The following ZNF431 variants were observed in gnomAD, a reference collection of about 807,000 sequenced individuals.
ZNF431 encodes the protein zinc finger protein 431.
Under a neutral mutation model 57.0 loss-of-function variants are expected in ZNF431, and 34 were observed. The observed-to-expected ratio is 0.60, with a 90% confidence interval of 0.45 to 0.79. The LOEUF (loss-of-function observed/expected upper bound fraction) is 0.79. Among genes scored for constraint, ZNF431 ranks in the 30% least tolerant of loss-of-function variants. The pLI is 0.00. For missense variants in ZNF431, 607 were observed against 667.1 expected (o/e 0.91, Z 0.99); for synonymous variants, 207 against 220.3 (o/e 0.94, Z 0.54).
At chr19:21,155,884 C>G (rs1395082347) in intron 2 of ZNF431, among the ~76,000 whole-genome samples, 1 of 152,190 alleles carries the variant, frequency 6.6e-6, no homozygotes, top group East Asian at 1.9e-4. Flanking sequence ...AGGCTCTTCT[C>G]TCCTGCACAC....
chr19:21,182,793 C>G lies in ZNF431; in HGVS notation c.490C>G (p.Leu164Val). The part of the protein sequence containing the change: ...YKVHKEGYNE[L>V]NQCLTTTQSK... ...GGTGCACAAAGAAGGTTATAATGAG[C>G]TAAACCAGTGTTTGACAACTACCCA... Residue 164 changes from leucine to valine, a missense_variant, in exon 5 of 5, where the codon CTA (leucine) becomes GTA (valine). By Grantham distance (32) the Leu-to-Val change is conservative (BLOSUM62 1). Transcript: ENST00000311048. 2 of 1,613,946 alleles carry G rather than the reference C, an allele frequency of 1.2e-6. No individual in the cohort carries two copies. The highest frequency in any genetic ancestry group is 2.2e-5 in the South Asian group (2 of 91,074).
chr19:21,163,678 C>T (rs1292540109), intron 2 of ZNF431, among the ~76,000 whole-genome samples: 1 of 151,970 alleles, frequency 6.6e-6, no homozygotes, highest in Non-Finnish European at 1.5e-5. Flanking sequence ...TGCACCACCA[C>T]GCCAGCTAAT....
rs967137663 is a variant in ZNF431 at position 21,194,649 on chromosome 19, A to C, written c.*10615A>C. 6 of 152,022 alleles carry C rather than the reference A, an allele frequency of 3.9e-5. No homozygotes were observed. Among genetic ancestry groups the C allele is most frequent in the African/African-American group, 1.5e-4 (6 of 41,370 alleles). 9.4% of individuals were successfully genotyped at this position (152,022 alleles called of 1,614,324 possible). ...ACACCTGGCTAATTTTTATGTTTTT[A>C]GTAGAGATCGAGTTTTGCTGTGTTG... is the stretch of plus-strand genomic sequence containing the variant. On this transcript the variant is annotated 3_prime_UTR_variant, in exon 5 of 5. Coordinates refer to ENST00000311048, the MANE Select transcript of ZNF431 (RefSeq NM_133473.4).
In ZNF431 at chr19:21,167,679, G is replaced by GA. The variant is rs770416008; in HGVS notation, c.319+21dup. 1.0e-4 allele frequency: 154 copies of GA among 1,494,916 alleles called. No homozygotes were observed. Among genetic ancestry groups the GA allele is most frequent in the South Asian group, 2.6e-4 (20 of 77,342 alleles). 92.6% of individuals were successfully genotyped at this position (1,494,916 alleles called of 1,614,324 possible). On this transcript the variant is annotated intron_variant, in intron 4 of 4. Transcript: ENST00000311048. ...GATGAACCCCCAGGTAGGTGAGAGT[G>GA]AAAAAAAACAGATGACACAGATGAG...
intron 4 of ZNF431, among the ~76,000 whole-genome samples, chr19:21,171,725 T>C (rs1337749868): frequency 1.4e-5 from 2 of 141,850 alleles, no homozygotes; most frequent in East Asian, 4.0e-4. Flanking sequence ...TTTTTTTTTT[T>C]TTTTTTTTTT....
chr19:21,167,372 T>G (rs1467753858), intron 3 of ZNF431, among the ~76,000 whole-genome samples, 199 bp from the exon 4 acceptor site: 1 of 152,134 alleles, frequency 6.6e-6, no homozygotes, highest in Admixed American at 6.6e-5. Context: ...TTGGACAGGT[T>G]GGTCTCAAAC....
chr19:21,165,948 C>T (rs565311223), intron 2 of ZNF431, among the ~76,000 whole-genome samples: 1 of 152,232 alleles, frequency 6.6e-6, no homozygotes, highest in East Asian at 1.9e-4. Flanking sequence ...GCAGGATCTC[C>T]AGTTTATCGT....
Position 21,183,631 on chromosome 19 carries a change from T to G in ZNF431, c.1328T>G (p.Leu443Arg). ...AAAGCTTTTAACCGGTCCCCACAAC[T>G]TACTGCACATAAGATAATTCATACT... ...CGKAFNRSPQ[L>R]TAHKIIHTGE... The change falls in exon 5 of 5, where the codon CTT becomes CGT. Residue 443 changes from leucine (L) to arginine (R), a missense_variant. Leu to Arg is a moderately radical substitution (Grantham distance 102). Transcript: ENST00000311048. The G allele has an allele frequency of 6.2e-7, 1 of 1,613,374 alleles. No individual in the cohort carries two copies. Among genetic ancestry groups the G allele is most frequent in the African/African-American group, 1.3e-5 (1 of 74,994 alleles).
At chr19:21,147,058 C>G (rs1970121390) in intron 2 of ZNF431, among the ~76,000 whole-genome samples, 1 of 152,236 alleles carries the variant, frequency 6.6e-6, no homozygotes, top group African/African-American at 2.4e-5. Flanking sequence ...TTACTTTCAT[C>G]TTCCATTAGT....
At chr19:21,143,459 G>A (rs1875132885) in intron 1 of ZNF431, 92 bp from the exon 2 acceptor site, 5 of 1,013,270 alleles carry the variant, frequency 4.9e-6, no homozygotes, top group African/African-American at 1.6e-5. Context: ...GTGGGTTTCA[G>A]TGCTGTCTGG....
chr19:21,171,703 T>TAC (rs1192964679), intron 4 of ZNF431, among the ~76,000 whole-genome samples: 509 of 15,284 alleles, frequency 0.033, 3 homozygotes, highest in African/African-American at 0.12. Flanking sequence ...GATGAATATA[T>TAC]ATATATATAT....
intron 4 of ZNF431, among the ~76,000 whole-genome samples, chr19:21,181,968 A>G (rs2145047920): frequency 6.6e-6 from 1 of 152,258 alleles, no homozygotes; most frequent in South Asian, 2.1e-4. Context: ...AGATCCTGTG[A>G]GACTCTCAAA....
At chr19:21,162,144 TTGTGTGTG>T (rs749424799) in intron 2 of ZNF431, among the ~76,000 whole-genome samples, 173 of 66,172 alleles carry the variant, frequency 2.6e-3, no homozygotes, top group South Asian at 0.023. Context: ...ATCCAGCTAA[TTGTGTGTG>T]TGTGTGTGTG....
rs1463024505 is a variant in ZNF431 at position 21,188,061 on chromosome 19, C to G, written c.*4027C>G. 6.6e-6 allele frequency: 1 copy of G among 152,018 alleles called. No homozygotes were observed. Among genetic ancestry groups the G allele is most frequent in the African/African-American group, 2.4e-5 (1 of 41,360 alleles). 9.4% of individuals were successfully genotyped at this position (152,018 alleles called of 1,614,324 possible). A position where few individuals can be genotyped will look rare whatever the true frequency, so the allele number is the denominator to read the frequency against. Reference sequence around the variant, plus strand: ...ATCACTTGAGGTCAGGAGTTTGAGACCAGCCTGACCAACATGGTGAAACCC... The same window carrying G: ...ATCACTTGAGGTCAGGAGTTTGAGAGCAGCCTGACCAACATGGTGAAACCC... On this transcript the variant is annotated 3_prime_UTR_variant, in exon 5 of 5. Coordinates refer to ENST00000311048, the MANE Select transcript of ZNF431 (RefSeq NM_133473.4).
chr19:21,151,638 A>G (rs534643269), intron 2 of ZNF431, among the ~76,000 whole-genome samples: 2 of 152,298 alleles, frequency 1.3e-5, no homozygotes, highest in South Asian at 2.1e-4. Context: ...ATGTGGTCAC[A>G]AGGTGGAGCT....
chr19:21,182,572 G>A (rs1375824964), intron 4 of ZNF431, 51 bp from the exon 5 acceptor site: 2 of 1,522,392 alleles, frequency 1.3e-6, no homozygotes, highest in Non-Finnish European at 1.8e-6. Context: ...TGTAAAGTAT[G>A]TTTATCAGAG....
chr19:21,167,164 C>CT (rs781098845), intron 3 of ZNF431, among the ~76,000 whole-genome samples: 2,592 of 142,290 alleles, frequency 0.018, 38 homozygotes, highest in Middle Eastern at 0.026. Flanking sequence ...GGCTAAAACA[C>CT]TTTTTTTTTT....
rs187088491 is a variant in ZNF431 at position 21,167,791 on chromosome 19, G to A, written c.319+125G>A. ...TTATAAAGCATGTAGTTTCTGGGAG[G>A]CCTGAATATTTTCTTAAAATTTTTT... is the stretch of plus-strand genomic sequence containing the variant. On this transcript the variant is annotated intron_variant, in intron 4 of 4. Coordinates refer to ENST00000311048, the MANE Select transcript of ZNF431 (RefSeq NM_133473.4). The A allele has an allele frequency of 3.9e-3, 2,004 of 509,504 alleles. 7 individuals carry two copies. The highest frequency in any genetic ancestry group is 0.02 in the Middle Eastern group (57 of 2,918). 31.6% of individuals were successfully genotyped at this position (509,504 alleles called of 1,614,324 possible).
At chr19:21,159,832 A>T (rs1970523501) in intron 2 of ZNF431, among the ~76,000 whole-genome samples, 2 of 152,096 alleles carry the variant, frequency 1.3e-5, no homozygotes, top group African/African-American at 4.8e-5. Context: ...TTTATTACTA[A>T]TTCAATTTTG....
Sources: allele counts gnomAD v4.1 joint callset (sites outside exome capture counted in the v4.1 genomes callset), GRCh38; gene constraint gnomAD v4.1.1; transcripts MANE v1.5; gene names NCBI Gene and HGNC (gene_info 2026-07-23, HGNC 2026-07-21).